The following CSMD2 variants were observed in gnomAD, a reference collection of about 807,000 sequenced individuals.
CSMD2 encodes the protein CUB and Sushi multiple domains 2.
Under a neutral mutation model 398.5 loss-of-function variants are expected in CSMD2, and 130 were observed. The observed-to-expected ratio is 0.33, with a 90% CI of 0.28 to 0.38. CSMD2 has a LOEUF of 0.38. Ranked by LOEUF, CSMD2 falls within the 10% of genes least tolerant of loss-of-function variation. The pLI is 1.00. For synonymous variants in CSMD2, 1,828 were observed against 1,908.5 expected (o/e 0.96, Z 1.10); for missense variants, 3,829 against 4,764.9 (o/e 0.80, Z 5.78).
rs2148658131 is a variant in CSMD2, at chr1:33,559,544, C to G, written c.8381-71G>C. On this transcript the variant is annotated intron_variant, in intron 53 of 70. Coordinates refer to ENST00000373381, the MANE Select transcript of CSMD2 (RefSeq NM_001281956.2). The surrounding 1 kb of genome is among the most constrained non-coding windows in gnomAD (Gnocchi z 4.0). ...CCCCTCAGAATTTATCCACCTCTCA[C>G]CTGGCATCTCTTAGGCCATCAGTGA... 7.3e-7 allele frequency: 1 copy of G among 1,362,970 alleles called. No homozygotes were observed. The highest frequency in any genetic ancestry group is 1.3e-5 in the South Asian group (1 of 76,404). The allele number at this position is 1,362,970 out of a possible 1,614,324, so 84.4% of individuals were successfully genotyped here.
intron 2 of CSMD2, among the ~76,000 whole-genome samples, chr1:34,036,502 A>G (rs1023450069): frequency 6.6e-6 from 1 of 152,238 alleles, no homozygotes; most frequent in African/African-American, 2.4e-5. Flanking sequence ...AGTGCTTGCT[A>G]GAGATTAGGA....
rs560217732 is a variant in CSMD2 at position 33,687,969 on chromosome 1, T to C, written c.4052+4961A>G. ...CGGTGAAGACTGAAAGTATTGACAATGTCTAGTGATACTGCGTGGGGTAGC... is the reference window on the plus strand; with the variant it reads ...CGGTGAAGACTGAAAGTATTGACAACGTCTAGTGATACTGCGTGGGGTAGC... On this transcript the variant is annotated intron_variant, in intron 25 of 70. Transcript: ENST00000373381. 5.4e-4 allele frequency among the ~76,000 whole-genome samples: 82 copies of C among 152,344 alleles called. 1 individual carries two copies. The Middle Eastern group carries it at 0.031, about 57-fold the overall frequency.
At chr1:33,677,596 T>C (rs2149050919) in intron 25 of CSMD2, among the ~76,000 whole-genome samples, 2 of 152,292 alleles carry the variant, frequency 1.3e-5, no homozygotes, top group Middle Eastern at 6.8e-3. Context: ...GATTCAGCCA[T>C]TCCATTACTG....
At chr1:33,542,059 A>G (rs191999835) in intron 58 of CSMD2, among the ~76,000 whole-genome samples, 26 of 152,268 alleles carry the variant, frequency 1.7e-4, no homozygotes, top group Admixed American at 1.3e-3. Context: ...ACCAAAGTGA[A>G]CTTGACACGG....
chr1:33,682,249 T>C (rs549883179), intron 25 of CSMD2, among the ~76,000 whole-genome samples: 9 of 152,222 alleles, frequency 5.9e-5, no homozygotes, highest in East Asian at 5.8e-4. Flanking sequence ...CAAAGTTGCA[T>C]GTGGTGGCAT....
chr1:33,753,617 C>A (rs1470497163), intron 13 of CSMD2, among the ~76,000 whole-genome samples: 1 of 152,218 alleles, frequency 6.6e-6, no homozygotes, highest in Non-Finnish European at 1.5e-5. Flanking sequence ...ACCCTCCAGA[C>A]TCCAAAATGG....
At position 33,625,224 on chromosome 1, in the gene CSMD2, C is replaced by G; in HGVS notation, c.5327G>C (p.Ser1776Thr). 4 of 1,613,240 alleles carry G rather than the reference C, an allele frequency of 2.5e-6. No individual in the cohort carries two copies. The highest frequency in any genetic ancestry group is 3.4e-6 in the Non-Finnish European group (4 of 1,179,846). Residue 1776 changes from serine to threonine, a missense_variant, in exon 34 of 71, where the codon AGC (serine) becomes ACC (threonine). Transcript: ENST00000373381. The part of the protein sequence containing the change: ...AVPRTSATQC[S>T]SVPEPRYGKR... ...GCCATAGCGGGGTTCCGGCACAGAG[C>G]TGCACTGCGTGGCGCTGGTTCGAGG... is the stretch of plus-strand genomic sequence containing the variant.
chr1:34,015,452 T>C (rs1647952060), intron 3 of CSMD2, among the ~76,000 whole-genome samples: 1 of 152,060 alleles, frequency 6.6e-6, no homozygotes, highest in Non-Finnish European at 1.5e-5. Flanking sequence ...CAGAAGTGGG[T>C]GGGAGACTAG....
intron 5 of CSMD2, among the ~76,000 whole-genome samples, chr1:33,857,460 T>C (rs1639180950): frequency 6.6e-6 from 1 of 152,022 alleles, no homozygotes; most frequent in South Asian, 2.1e-4. Context: ...GCCCCAGGGA[T>C]GGCCAGAACC....
At chr1:34,004,810 C>T (rs1234190330) in intron 3 of CSMD2, among the ~76,000 whole-genome samples, 1 of 150,168 alleles carries the variant, frequency 6.7e-6, no homozygotes, top group Admixed American at 6.8e-5. Flanking sequence ...TCCACCTAAT[C>T]TATTATTTCC....
At chr1:34,124,381 A>G (rs1466342507) in intron 1 of CSMD2, among the ~76,000 whole-genome samples, 2 of 152,148 alleles carry the variant, frequency 1.3e-5, no homozygotes, top group African/African-American at 4.8e-5. Context: ...AGGGCATAGG[A>G]GTGCAGAGGA....
intron 10 of CSMD2, among the ~76,000 whole-genome samples, chr1:33,798,266 A>G (rs935350864): frequency 2.0e-5 from 3 of 152,216 alleles, no homozygotes; most frequent in Admixed American, 2.0e-4. Flanking sequence ...CAGACACCCA[A>G]TTTAAACCCA....
At chr1:34,082,417 G>T (rs1571047443) in intron 2 of CSMD2, among the ~76,000 whole-genome samples, 1 of 151,848 alleles carries the variant, frequency 6.6e-6, no homozygotes, top group South Asian at 2.1e-4. Context: ...TGGGAGGTGG[G>T]GGGCGCCCCC....
chr1:33,554,396 T>G (rs374815123), intron 55 of CSMD2, among the ~76,000 whole-genome samples: 2 of 152,042 alleles, frequency 1.3e-5, no homozygotes, highest in African/African-American at 4.8e-5. Flanking sequence ...GGTTTCACCA[T>G]GTTGGCCAGG....
intron 2 of CSMD2, among the ~76,000 whole-genome samples, chr1:34,076,499 C>A (rs113903622): frequency 9.8e-5 from 15 of 152,286 alleles, no homozygotes; most frequent in Admixed American, 7.8e-4. Flanking sequence ...GTCATCAGCA[C>A]CTCTCCACTT....
intron 13 of CSMD2, among the ~76,000 whole-genome samples, chr1:33,760,083 G>A (rs1649620810): frequency 6.6e-6 from 1 of 152,158 alleles, no homozygotes; most frequent in South Asian, 2.1e-4. Flanking sequence ...GGTTGGCTAG[G>A]TTCTTGGTAT....
rs74732774 is a variant in CSMD2, at chr1:34,134,995, T to C, written c.187+29916A>G. On this transcript the variant is annotated intron_variant, in intron 1 of 70. Transcript: ENST00000373381. ...TAGAAATTCAAATACTCAGATCTCA[T>C]CCCAAATCTACTCTACTGCAGACCT... 8.5e-3 allele frequency among the ~76,000 whole-genome samples: 1,288 copies of C among 152,216 alleles called. 5 individuals are homozygous for C. The highest frequency in any genetic ancestry group is 0.013 in the Non-Finnish European group (880 of 68,004).
At chr1:33,947,365 T>C (rs945583000) in intron 3 of CSMD2, among the ~76,000 whole-genome samples, 2 of 152,162 alleles carry the variant, frequency 1.3e-5, no homozygotes, top group Non-Finnish European at 2.9e-5. Context: ...AGTATTGCCT[T>C]GAGGACCTGC....
At chr1:33,768,656 G>T (rs1650861922) in intron 13 of CSMD2, among the ~76,000 whole-genome samples, 1 of 151,310 alleles carries the variant, frequency 6.6e-6, no homozygotes, top group Non-Finnish European at 1.5e-5. Flanking sequence ...GGGCCAGTAG[G>T]GCCATTTCCC....
Sources: allele counts gnomAD v4.1 joint callset (sites outside exome capture counted in the v4.1 genomes callset), GRCh38; gene constraint gnomAD v4.1.1; non-coding constraint Gnocchi (gnomAD v3.1); transcripts MANE v1.5; gene names NCBI Gene and HGNC (gene_info 2026-07-23, HGNC 2026-07-21).